The following ZMAT4 variants were observed in gnomAD, a reference collection of about 807,000 sequenced individuals.
The protein encoded by ZMAT4 is zinc finger matrin-type protein 4.
A neutral mutation model predicts 28.7 loss-of-function variants in ZMAT4; 17 were observed. The ratio of observed to expected loss-of-function variants is 0.59; its 90% confidence interval spans 0.41 to 0.89. ZMAT4 has a LOEUF of 0.89. ZMAT4 is among the 40% of genes least tolerant of loss of function. ZMAT4 has a pLI of 0.00. For missense variants in ZMAT4, 240 were observed against 283.8 expected (o/e 0.85, Z 1.11); for synonymous variants, 117 against 109.2 (o/e 1.07, Z -0.44).
chr8:40,601,399 G>A (rs1483443030), intron 5 of ZMAT4, among the ~76,000 whole-genome samples: 9 of 45,766 alleles, frequency 2.0e-4, no homozygotes, highest in East Asian at 5.3e-4. Flanking sequence ...GAAGGAAGGA[G>A]GAAAGAAAGG....
At chr8:40,763,837 G>A (rs4430079) in intron 3 of ZMAT4, among the ~76,000 whole-genome samples, 24,412 of 152,024 alleles carry the variant, frequency 0.16, 3,127 homozygotes, top group East Asian at 0.6. Context: ...ATTAAGAGTA[G>A]TAACACTGAT....
chr8:40,613,343 C>T (rs1194077794), intron 5 of ZMAT4, among the ~76,000 whole-genome samples: 5 of 151,462 alleles, frequency 3.3e-5, no homozygotes, highest in South Asian at 2.1e-4. Flanking sequence ...CCACCATGCC[C>T]GGCTAATATT....
chr8:40,833,167 C>G (rs148661276), intron 1 of ZMAT4, among the ~76,000 whole-genome samples: 3 of 152,262 alleles, frequency 2.0e-5, no homozygotes, highest in Non-Finnish European at 2.9e-5. Flanking sequence ...CTGTCCTGTC[C>G]CCATCACACC....
chr8:40,671,177 G>C (rs1372440303), intron 5 of ZMAT4, among the ~76,000 whole-genome samples: 1 of 152,020 alleles, frequency 6.6e-6, no homozygotes, highest in South Asian at 2.1e-4. Context: ...TTAAAAGACT[G>C]ACATGAGCAG....
In ZMAT4 at chr8:40,619,836, C is replaced by T. The variant is rs367636192; in HGVS notation, c.578-38575G>A. Among the ~76,000 whole-genome samples the T allele has an allele frequency of 1.4e-4, 21 of 152,206 alleles. No individual in the cohort carries two copies. In the East Asian group the frequency reaches 3.7e-3, roughly 27 times the overall value. ...ACCTGGGAAGAGAGTGTGAAGGGACCCGTGCAGACCAGGCCCACCATAAAG... is the reference window on the plus strand; with the variant it reads ...ACCTGGGAAGAGAGTGTGAAGGGACTCGTGCAGACCAGGCCCACCATAAAG... On this transcript the variant is annotated intron_variant, in intron 5 of 6. Transcript: ENST00000297737.
intron 4 of ZMAT4, chr8:40,691,008 C>G: frequency 1.3e-6 from 1 of 785,376 alleles, no homozygotes; most frequent in Non-Finnish European, 1.5e-6. Context: ...TACCAATCCA[C>G]TTAGTGAGAG....
chr8:40,681,993 T>C (rs1156595998), intron 4 of ZMAT4, among the ~76,000 whole-genome samples: 2 of 152,132 alleles, frequency 1.3e-5, no homozygotes, highest in South Asian at 2.1e-4. Context: ...AAATCACTTA[T>C]ACACATAGCT....
At chr8:40,757,048 C>T (rs545332768) in intron 3 of ZMAT4, among the ~76,000 whole-genome samples, 3 of 152,054 alleles carry the variant, frequency 2.0e-5, no homozygotes, top group South Asian at 2.1e-4. Context: ...TTCAGTGTTG[C>T]GTTTGGAGGC....
At chr8:40,684,218 T>C (rs903128667) in intron 4 of ZMAT4, among the ~76,000 whole-genome samples, 1 of 152,218 alleles carries the variant, frequency 6.6e-6, no homozygotes, top group Non-Finnish European at 1.5e-5. Flanking sequence ...ACATTAAGAC[T>C]GTGGTAAAAT....
intron 2 of ZMAT4, among the ~76,000 whole-genome samples, chr8:40,784,732 A>T (rs1813991006): frequency 1.3e-5 from 2 of 152,150 alleles, no homozygotes; most frequent in East Asian, 3.9e-4. Flanking sequence ...ACGGAGAATC[A>T]TTACCCCTGC....
At chr8:40,567,820 CATCATTTGTTTTTTGAAAAA>C (rs1156438245) in intron 6 of ZMAT4, among the ~76,000 whole-genome samples, 1 of 151,900 alleles carries the variant, frequency 6.6e-6, no homozygotes, top group Non-Finnish European at 1.5e-5. Context: ...CATGCATAGA[CATCATTTGTTTTTTGAAAAA>C]ATCCTTCCAA....
intron 3 of ZMAT4, among the ~76,000 whole-genome samples, chr8:40,736,177 T>C (rs1811754316): frequency 1.3e-5 from 2 of 152,058 alleles, no homozygotes; most frequent in African/African-American, 4.8e-5. Context: ...TCAACCACAA[T>C]AGCCTCAGGA....
intron 1 of ZMAT4, among the ~76,000 whole-genome samples, chr8:40,847,841 G>A (rs1002261011): frequency 5.9e-5 from 9 of 152,166 alleles, no homozygotes; most frequent in South Asian, 2.1e-4. Context: ...TAATCAAACC[G>A]ATGTCTGCAG....
At chr8:40,825,812 C>G (rs1816015441) in intron 1 of ZMAT4, 132 bp from the exon 2 acceptor site, 2 of 642,190 alleles carry the variant, frequency 3.1e-6, no homozygotes, top group Non-Finnish European at 5.4e-6. Context: ...TCTCCCTACA[C>G]TCTTGACGTT....
rs915666399 is a variant in ZMAT4 at position 40,615,745 on chromosome 8, A to C, written c.578-34484T>G. 2.4e-4 allele frequency among the ~76,000 whole-genome samples: 36 copies of C among 152,174 alleles called. 1 individual carries two copies. Among genetic ancestry groups the C allele is most frequent in the Admixed American group, 2.2e-3 (33 of 15,284 alleles). ...GGATACTGAAACTTGTGCATTCATCAAGTAGTTCTCGTGCCATGGTTTTCA... is the reference window on the plus strand; with the variant it reads ...GGATACTGAAACTTGTGCATTCATCCAGTAGTTCTCGTGCCATGGTTTTCA... On this transcript the variant is annotated intron_variant, in intron 5 of 6. Transcript: ENST00000297737.
At chr8:40,583,813 A>G (rs950886957) in intron 5 of ZMAT4, among the ~76,000 whole-genome samples, 9 of 152,164 alleles carry the variant, frequency 5.9e-5, no homozygotes, top group African/African-American at 1.9e-4. Flanking sequence ...AGTAGACAAG[A>G]GACAAAAGGC....
intron 2 of ZMAT4, among the ~76,000 whole-genome samples, chr8:40,781,186 C>A (rs891625486): frequency 2.6e-5 from 4 of 151,714 alleles, no homozygotes; most frequent in East Asian, 1.9e-4. Flanking sequence ...CTGCAAGAAG[C>A]AAGATCAAAA....
chr8:40,839,654 G>A (rs964027892), intron 1 of ZMAT4, among the ~76,000 whole-genome samples: 2 of 152,190 alleles, frequency 1.3e-5, no homozygotes, highest in African/African-American at 4.8e-5. Flanking sequence ...CACACCTTTT[G>A]CAGCAACATG....
chr8:40,836,208 AG>A (rs1339263058), intron 1 of ZMAT4, among the ~76,000 whole-genome samples: 2 of 152,232 alleles, frequency 1.3e-5, no homozygotes. Flanking sequence ...AATTAACCAT[AG>A]AAAGGTTATT....
Sources: gnomAD v4.1 joint callset for allele counts (sites outside exome capture counted in the v4.1 genomes callset) on GRCh38, gnomAD v4.1.1 for gene constraint, MANE v1.5 for transcripts, NCBI Gene and HGNC (gene_info 2026-07-23, HGNC 2026-07-21) for gene names.